The following ESYT2 variants were observed in gnomAD, a reference collection of about 807,000 sequenced individuals.
The protein encoded by ESYT2 is extended synaptotagmin-2.
In ESYT2, 54 loss-of-function variants were observed where a neutral mutation model predicts 107.2. That is an observed-to-expected ratio of 0.50 (90% CI 0.40 to 0.63). The LOEUF is 0.63. Ranked by LOEUF, ESYT2 falls within the 30% of genes least tolerant of loss-of-function variation. ESYT2 has a pLI of 0.00. For synonymous variants in ESYT2, 491 were observed against 434.1 expected (o/e 1.13, Z -1.63); for missense variants, 1,020 against 1,094.5 (o/e 0.93, Z 0.96).
chr7:158,743,133 G>A (rs1450502099), intron 17 of ESYT2, among the ~76,000 whole-genome samples: 5 of 152,016 alleles, frequency 3.3e-5, no homozygotes, highest in East Asian at 1.9e-4. Flanking sequence ...CTACTGTCTC[G>A]TGGAGTTTTA....
intron 19 of ESYT2, among the ~76,000 whole-genome samples, chr7:158,738,354 C>G (rs570495664): frequency 0.011 from 1,639 of 147,570 alleles, 47 homozygotes; most frequent in African/African-American, 0.04. Context: ...GACACACACA[C>G]ACACACACAC....
intron 3 of ESYT2, among the ~76,000 whole-genome samples, chr7:158,795,513 A>G (rs1760557383): frequency 6.6e-6 from 1 of 152,200 alleles, no homozygotes; most frequent in African/African-American, 2.4e-5. Flanking sequence ...TGGAGCTAGT[A>G]TGGTTTTCAC....
chr7:158,735,858 T>C (rs891890760), intron 20 of ESYT2, among the ~76,000 whole-genome samples: 5 of 152,128 alleles, frequency 3.3e-5, no homozygotes, highest in African/African-American at 1.2e-4. Context: ...GGTCCCTGGC[T>C]CACTCACGGG....
At chr7:158,784,965 G>A (rs1017850470) in intron 6 of ESYT2, among the ~76,000 whole-genome samples, 5 of 152,134 alleles carry the variant, frequency 3.3e-5, no homozygotes, top group Admixed American at 1.3e-4. Flanking sequence ...CCCTCTAGTC[G>A]AGGGATAAAT....
At chr7:158,807,450 G>A (rs1441268581) in intron 1 of ESYT2, among the ~76,000 whole-genome samples, 1 of 151,956 alleles carries the variant, frequency 6.6e-6, no homozygotes, top group Non-Finnish European at 1.5e-5. Context: ...GAAGGAGGTC[G>A]GAAATTTACC....
At chr7:158,755,968 A>C (rs1563629142) in intron 13 of ESYT2, among the ~76,000 whole-genome samples, 2 of 152,248 alleles carry the variant, frequency 1.3e-5, no homozygotes, top group African/African-American at 2.4e-5. Flanking sequence ...ATACCTATGT[A>C]ACAAACCTGC....
intron 17 of ESYT2, among the ~76,000 whole-genome samples, chr7:158,742,672 T>C (rs1837256795): frequency 6.6e-6 from 1 of 152,242 alleles, no homozygotes; most frequent in Non-Finnish European, 1.5e-5. Flanking sequence ...AGCTGGTCCC[T>C]GGGCTGGCTT....
intron 21 of ESYT2, among the ~76,000 whole-genome samples, chr7:158,734,772 C>T (rs534572430): frequency 6.6e-6 from 1 of 151,796 alleles, no homozygotes; most frequent in East Asian, 1.9e-4. Flanking sequence ...TGTGCTTCTA[C>T]AGACCCTGTC....
At chr7:158,803,679 G>C (rs1839712618) in intron 1 of ESYT2, among the ~76,000 whole-genome samples, 1 of 152,204 alleles carries the variant, frequency 6.6e-6, no homozygotes, top group African/African-American at 2.4e-5. Flanking sequence ...CAACAAAAGG[G>C]AGTCCAAGGT....
chr7:158,759,678 A>G (rs1837893448), intron 12 of ESYT2, 97 bp from the exon 13 acceptor site: 1 of 995,748 alleles, frequency 1.0e-6, no homozygotes, highest in Non-Finnish European at 1.5e-6. Context: ...TAAAAATAAG[A>G]AAGGTGAGAA....
intron 3 of ESYT2, among the ~76,000 whole-genome samples, chr7:158,796,126 ATGTC>A (rs1464947541): frequency 6.6e-6 from 1 of 152,184 alleles, no homozygotes; most frequent in Non-Finnish European, 1.5e-5. Flanking sequence ...CTGCACGGGG[ATGTC>A]TGTTTGCTGA....
Position 158,734,190 on chromosome 7 carries a change from C to G in ESYT2, c.*17G>C. On this transcript the variant is annotated 3_prime_UTR_variant, in exon 23 of 23. Transcript: ENST00000275418. ...GTGGAGAGCTACGCTGAAGAGGACG[C>G]CTCCTGCCTGCTGCGGCTATGTCAT... is the stretch of plus-strand genomic sequence containing the variant. The G allele has an allele frequency of 1.9e-6, 3 of 1,614,086 alleles. No homozygotes were observed. In the South Asian group the frequency reaches 3.3e-5, roughly 18 times the overall value.
intron 1 of ESYT2, among the ~76,000 whole-genome samples, chr7:158,803,654 G>A (rs1211347118): frequency 1.3e-5 from 2 of 152,186 alleles, no homozygotes; most frequent in Admixed American, 1.3e-4. Context: ...AGAAAATTTT[G>A]GTTCACACAC....
rs528511362 is a variant in ESYT2, at chr7:158,825,720, A to C, written c.330+3369T>G. Reference sequence around the variant, plus strand: ...GAGGTGAGGAAATTAGTATCTCCTTAATTCATGTTTTCCTATGTTTCCACT... The same window carrying C: ...GAGGTGAGGAAATTAGTATCTCCTTCATTCATGTTTTCCTATGTTTCCACT... On this transcript the variant is annotated intron_variant, in intron 1 of 22. Coordinates refer to ENST00000275418, the MANE Select transcript of ESYT2 (RefSeq NM_001367773.1). 2.6e-5 allele frequency among the ~76,000 whole-genome samples: 4 copies of C among 152,310 alleles called. No individual in the cohort carries two copies. The East Asian group carries it at 7.7e-4, about 29-fold the overall frequency.
intron 3 of ESYT2, among the ~76,000 whole-genome samples, chr7:158,794,680 G>A (rs1046572164): frequency 6.1e-5 from 9 of 147,854 alleles, no homozygotes; most frequent in African/African-American, 2.3e-4. Context: ...GGAGGCTGTG[G>A]TAGGGGGAAT....
At chr7:158,776,840 T>C (rs1420507247) in intron 6 of ESYT2, among the ~76,000 whole-genome samples, 1 of 151,954 alleles carries the variant, frequency 6.6e-6, no homozygotes, top group Admixed American at 6.6e-5. Flanking sequence ...CTAAGCTTAA[T>C]CATTTCTAGC....
intron 19 of ESYT2, 46 bp downstream of exon 19, chr7:158,738,977 C>T: frequency 3.8e-6 from 6 of 1,565,770 alleles, no homozygotes; most frequent in Non-Finnish European, 5.3e-6. Flanking sequence ...ATCCAGCATC[C>T]ACACTCAGCA....
intron 1 of ESYT2, among the ~76,000 whole-genome samples, chr7:158,823,293 T>TC (rs1200164029): frequency 6.4e-5 from 2 of 31,336 alleles, no homozygotes; most frequent in African/African-American, 4.1e-4. Flanking sequence ...AGACTCTGTC[T>TC]CAAAAAAAAA....
intron 1 of ESYT2, among the ~76,000 whole-genome samples, chr7:158,814,339 ATATATATG>A (rs1206043320): frequency 0.11 from 561 of 4,984 alleles, 71 homozygotes; most frequent in Admixed American, 0.15. Context: ...ATATATATAT[ATATATATG>A]AAATAATATA....
Sources: allele counts gnomAD v4.1 joint callset (sites outside exome capture counted in the v4.1 genomes callset), GRCh38; gene constraint gnomAD v4.1.1; transcripts MANE v1.5; gene names NCBI Gene and HGNC (gene_info 2026-07-23, HGNC 2026-07-21).